TULP4: variants seen among roughly 807,000 people sequenced by gnomAD.
TULP4 encodes TUB like protein 4.
In TULP4, 16 loss-of-function variants were observed where a neutral mutation model predicts 129.0. That is an observed-to-expected ratio of 0.12 (90% CI 0.08 to 0.19). The LOEUF is 0.19. TULP4 is among the 10% of genes least tolerant of loss of function. The pLI is 1.00. For synonymous variants in TULP4, 998 were observed against 854.0 expected, an observed-to-expected ratio of 1.17 and a Z score of -2.94; for missense variants, 1,842 against 2,059.1, an observed-to-expected ratio of 0.89 and a Z score of 2.04.
chr6:158,449,894 G>A (rs146262100), intron 4 of TULP4, among the ~76,000 whole-genome samples: 72 of 152,072 alleles, frequency 4.7e-4, no homozygotes, highest in African/African-American at 1.7e-3. Context: ...AAAAAATTGA[G>A]ATACAATAAT....
intron 1 of TULP4, among the ~76,000 whole-genome samples, chr6:158,371,870 A>G (rs1308262419): frequency 6.6e-6 from 1 of 152,170 alleles, no homozygotes; most frequent in Non-Finnish European, 1.5e-5. Context: ...ACTGGAGTGC[A>G]GTGGCACGAT....
intron 10 of TULP4, among the ~76,000 whole-genome samples, chr6:158,494,465 CAG>C (rs1780282213): frequency 6.6e-6 from 1 of 152,144 alleles, no homozygotes; most frequent in Admixed American, 6.5e-5. Context: ...AAAATGGATT[CAG>C]AGTTAGATCC....
intron 1 of TULP4, among the ~76,000 whole-genome samples, chr6:158,344,363 T>G (rs562731020): frequency 6.6e-6 from 1 of 152,346 alleles, no homozygotes; most frequent in African/African-American, 2.4e-5. Flanking sequence ...GGACTTTGTT[T>G]TACTGAGCTT....
chr6:158,388,986 T>A (rs757201860), intron 1 of TULP4, among the ~76,000 whole-genome samples: 1 of 152,212 alleles, frequency 6.6e-6, no homozygotes, highest in Non-Finnish European at 1.5e-5. Context: ...TTCATTTCTC[T>A]CTGATTCCTT....
chr6:158,451,989 T>C (rs779331569), intron 4 of TULP4, 145 bp from the exon 5 acceptor site: 30 of 1,213,166 alleles, frequency 2.5e-5, no homozygotes, highest in Non-Finnish European at 3.5e-5. Flanking sequence ...TGATATAGAA[T>C]GTTTCATTCA....
chr6:158,424,561 C>A (rs1256062883), intron 2 of TULP4, among the ~76,000 whole-genome samples: 2 of 152,092 alleles, frequency 1.3e-5, no homozygotes, highest in African/African-American at 4.8e-5. Flanking sequence ...ATCTTGTATA[C>A]TTCAAATCAT....
intron 1 of TULP4, among the ~76,000 whole-genome samples, chr6:158,352,836 C>T (rs1780556987): frequency 6.6e-6 from 1 of 152,110 alleles, no homozygotes; most frequent in Admixed American, 6.5e-5. Flanking sequence ...CTCTGTATCT[C>T]TAATAATCAC....
intron 2 of TULP4, among the ~76,000 whole-genome samples, chr6:158,425,692 C>T (rs1778474176): frequency 6.6e-6 from 1 of 151,892 alleles, no homozygotes; most frequent in South Asian, 2.1e-4. Flanking sequence ...CAACCTCCAC[C>T]TCCCAGGTTC....
intron 9 of TULP4, among the ~76,000 whole-genome samples, chr6:158,492,365 T>A (rs1583937431): frequency 6.6e-6 from 1 of 152,220 alleles, no homozygotes; most frequent in East Asian, 1.9e-4. Flanking sequence ...TTTTTGTGTT[T>A]GGTATGAATT....
At chr6:158,442,372 T>G (rs945264813) in intron 3 of TULP4, among the ~76,000 whole-genome samples, 1 of 152,188 alleles carries the variant, frequency 6.6e-6, no homozygotes, top group African/African-American at 2.4e-5. Flanking sequence ...GGCAGAATGA[T>G]GAACCTTACT....
At chr6:158,241,626 G>A (rs1033497211) in intron 1 of TULP4, among the ~76,000 whole-genome samples, 57 of 151,730 alleles carry the variant, frequency 3.8e-4, no homozygotes, top group Non-Finnish European at 7.2e-4. Context: ...ATGGTGTCTC[G>A]CTCTGTCACC....
At chr6:158,497,731 A>G (rs1411888423) in intron 11 of TULP4, among the ~76,000 whole-genome samples, 1 of 152,242 alleles carries the variant, frequency 6.6e-6, no homozygotes, top group Non-Finnish European at 1.5e-5. Flanking sequence ...CTTTCCTGCT[A>G]TTGGGCAGGA....
At chr6:158,265,861 A>T (rs546776519) in intron 1 of TULP4, among the ~76,000 whole-genome samples, 1 of 152,280 alleles carries the variant, frequency 6.6e-6, no homozygotes, top group South Asian at 2.1e-4. Context: ...AAGCATGTAT[A>T]AAACTTTTGT....
rs769123838 is a variant in TULP4, at chr6:158,429,741, T to C, written c.387T>C (p.Ser129=). 4 of 1,610,978 alleles carry C rather than the reference T, an allele frequency of 2.5e-6. No individual in the cohort carries two copies. In the African/African-American group the frequency reaches 5.3e-5, roughly 22 times the overall value. ...ELVNDRGAQV[S]DFTWSHDGTQ... ...TTTCTGTGTGTGTCCCCAAGGTGAGTGATTTCACGTGGAGCCATGATGGAA... is the reference window on the plus strand; with the variant it reads ...TTTCTGTGTGTGTCCCCAAGGTGAGCGATTTCACGTGGAGCCATGATGGAA... Residue 129 remains serine, a synonymous_variant, in exon 3 of 14, where the codon AGT becomes AGC. Transcript: ENST00000367097.
rs1657109938 is a variant in TULP4 at position 158,343,381 on chromosome 6, C to T, written c.252+29113C>T. On this transcript the variant is annotated intron_variant, in intron 1 of 13. Transcript: ENST00000367097. ...AAGCCAAATGCAACGGAAGGTAATG[C>T]AGGGAAGGGAATGGTGAGTGTTACG... 2.0e-5 allele frequency among the ~76,000 whole-genome samples: 3 copies of T among 152,242 alleles called. No homozygotes were observed. In the South Asian group the frequency reaches 6.2e-4, roughly 32 times the overall value.
intron 1 of TULP4, among the ~76,000 whole-genome samples, chr6:158,252,417 C>G: frequency 6.6e-6 from 1 of 151,600 alleles, no homozygotes; most frequent in African/African-American, 2.4e-5. Flanking sequence ...GCTCTGTCAC[C>G]CAGGCTGGAG....
At chr6:158,260,190 T>A (rs1329068730) in intron 1 of TULP4, among the ~76,000 whole-genome samples, 2 of 152,190 alleles carry the variant, frequency 1.3e-5, no homozygotes, top group African/African-American at 4.8e-5. Context: ...CAGACTCAGA[T>A]GTGGTCAGAA....
At chr6:158,449,312 T>C in intron 4 of TULP4, 136 bp downstream of exon 4, 2 of 878,574 alleles carry the variant, frequency 2.3e-6, no homozygotes, top group Non-Finnish European at 3.3e-6. Flanking sequence ...GGAAGAGTTA[T>C]CAAGCTGAAA....
intron 1 of TULP4, chr6:158,237,917 T>C: frequency 2.7e-6 from 2 of 729,852 alleles, no homozygotes; most frequent in South Asian, 2.7e-5. Flanking sequence ...GGATTTTGTT[T>C]CCATAGCTGT....
Sources: allele counts gnomAD v4.1 joint callset (sites outside exome capture counted in the v4.1 genomes callset), GRCh38; gene constraint gnomAD v4.1.1; transcripts MANE v1.5; gene names NCBI Gene and HGNC (gene_info 2026-07-23, HGNC 2026-07-21).